The following ANTXRL variants were observed in gnomAD, a reference collection of about 807,000 sequenced individuals.
The protein encoded by ANTXRL is anthrax toxin receptor-like.
Under a neutral mutation model 75.4 loss-of-function variants are expected in ANTXRL, and 63 were observed. The ratio of observed to expected loss-of-function variants is 0.84; its 90% CI spans 0.68 to 1.03. The LOEUF is 1.03. Ranked by LOEUF, ANTXRL falls within the 50% of genes least tolerant of loss-of-function variation. The pLI, the probability that ANTXRL is intolerant of heterozygous loss-of-function variation, is 0.00. For synonymous variants in ANTXRL, 335 were observed against 291.3 expected (o/e 1.15, Z -1.53); for missense variants, 797 against 789.4 (o/e 1.01, Z -0.12).
intron 7 of ANTXRL, 21 bp from the exon 8 acceptor site, chr10:46,297,810 A>C (rs1291670591): frequency 5.9e-6 from 9 of 1,535,244 alleles, no homozygotes; most frequent in Non-Finnish European, 7.9e-6. Flanking sequence ...GGGGAGTCCA[A>C]CCCAGCTCTG....
At chr10:46,319,176 T>G (rs781860985) in intron 16 of ANTXRL, among the ~76,000 whole-genome samples, 1 of 152,158 alleles carries the variant, frequency 6.6e-6, no homozygotes, top group Non-Finnish European at 1.5e-5. Context: ...AGACCAAAAT[T>G]TAGTTTTATT....
intron 16 of ANTXRL, among the ~76,000 whole-genome samples, chr10:46,315,767 G>A (rs1554964561): frequency 1.3e-5 from 2 of 152,134 alleles, no homozygotes; most frequent in African/African-American, 4.8e-5. Flanking sequence ...TATTGTTTCA[G>A]CAAATCCAAA....
At chr10:46,309,563 G>A (rs1838299569) in intron 13 of ANTXRL, among the ~76,000 whole-genome samples, 1 of 152,230 alleles carries the variant, frequency 6.6e-6, no homozygotes, top group South Asian at 2.1e-4. Flanking sequence ...CCAGGAGGTG[G>A]CCTCTGTGTG....
At position 46,311,538 on chromosome 10, in the gene ANTXRL, C is replaced by T. The variant is rs1838421532; in HGVS notation, c.1202C>T (p.Pro401Leu). The T allele has an allele frequency of 3.9e-6, 6 of 1,534,550 alleles. No individual in the cohort carries two copies. Among genetic ancestry groups the T allele is most frequent in the Non-Finnish European group, 5.2e-6 (6 of 1,146,082 alleles). ...KEPEQEKPPS[P>L]PPPPPPPPPP... ...CCAGAGCAGGAAAAACCACCATCAC[C>T]ACCACCACCGCCTCCGCCTCCACCA... is the stretch of plus-strand genomic sequence containing the variant. Residue 401 changes from proline (P) to leucine (L), a missense_variant, in exon 15 of 17, where the codon CCA becomes CTA. By Grantham distance (98) the Pro-to-Leu change is moderately conservative. Around this residue, in one of 3 missense-constraint regions of ANTXRL, gnomAD observed 479 missense variants for 422.0 expected, o/e 1.14. Coordinates refer to ENST00000620264, the MANE Select transcript of ANTXRL (RefSeq NM_001278688.3).
chr10:46,301,304 C>T lies in ANTXRL; in HGVS notation c.797-1418C>T, dbSNP rs569873071. Among the ~76,000 whole-genome samples, 9 of 152,344 alleles carry T rather than the reference C, an allele frequency of 5.9e-5. No individual in the cohort carries two copies. In the South Asian group the frequency reaches 1.9e-3, roughly 32 times the overall value. On this transcript the variant is annotated intron_variant, in intron 9 of 16. Coordinates refer to ENST00000620264, the MANE Select transcript of ANTXRL (RefSeq NM_001278688.3). Reference sequence around the variant, plus strand: ...TGTCAGCCTTAGCTGTGGGAGAGGACCCCAGGCTTGCCCTGAGGGGCCCAT... The same window carrying T: ...TGTCAGCCTTAGCTGTGGGAGAGGATCCCAGGCTTGCCCTGAGGGGCCCAT...
At chr10:46,308,797 C>A in intron 12 of ANTXRL, 1 of 412,662 alleles carries the variant, frequency 2.4e-6, no homozygotes, top group South Asian at 2.4e-5. Context: ...TCCACCCTCA[C>A]CTGTCTTTGT....
rs556681760 is a variant in ANTXRL at position 46,293,242 on chromosome 10, A to G, written c.321-587A>G. 385 of 134,362 alleles carry G rather than the reference A, an allele frequency of 2.9e-3. 2 individuals carry two copies. Among genetic ancestry groups the G allele is most frequent in the African/African-American group, 0.011 (356 of 31,494 alleles). The allele number at this position is 134,362 out of a possible 1,614,324, so 8.3% of individuals were successfully genotyped here. A position where few individuals can be genotyped will look rare whatever the true frequency, so the allele number is the denominator to read the frequency against. ...TGTGTGTGTGTGTGAGTGTGTATGC[A>G]TGTGTGTGGGGGGGTGTGTATACCT... On this transcript the variant is annotated intron_variant, in intron 2 of 16. Coordinates refer to ENST00000620264, the MANE Select transcript of ANTXRL (RefSeq NM_001278688.3).
chr10:46,293,111 C>T lies in ANTXRL; in HGVS notation c.321-718C>T, dbSNP rs1465227191. 1.3e-4 allele frequency: 20 copies of T among 152,028 alleles called. 1 individual carries two copies. Among genetic ancestry groups the T allele is most frequent in the Non-Finnish European group, 2.3e-4 (16 of 68,512 alleles). 9.4% of individuals were successfully genotyped at this position (152,028 alleles called of 1,614,324 possible). ...CCTGTTCATTATAAGGTATGTGTGT[C>T]TGTGTGTGTGTGTGTGCAGGTGCCT... On this transcript the variant is annotated intron_variant, in intron 2 of 16. Transcript: ENST00000620264.
At chr10:46,301,575 C>T (rs541396897) in intron 9 of ANTXRL, among the ~76,000 whole-genome samples, 5 of 152,298 alleles carry the variant, frequency 3.3e-5, no homozygotes, top group Admixed American at 2.0e-4. Flanking sequence ...GAGCATGGTT[C>T]CCTAGGTCCC....
At chr10:46,310,582 C>T (rs1838362055) in intron 14 of ANTXRL, 83 bp downstream of exon 14, 2 of 1,362,544 alleles carry the variant, frequency 1.5e-6, no homozygotes, top group South Asian at 1.2e-5. Flanking sequence ...AGCCTGCGCC[C>T]CATGATCTCC....
chr10:46,292,044 T>G lies in ANTXRL; in HGVS notation c.249-14T>G. The G allele has an allele frequency of 1.3e-6, 2 of 1,535,904 alleles. No individual in the cohort carries two copies. The highest frequency in any genetic ancestry group is 1.7e-6 in the Non-Finnish European group (2 of 1,146,562). On this transcript the variant is annotated splice_polypyrimidine_tract_variant and intron_variant, in intron 1 of 16. Transcript: ENST00000620264. Reference sequence around the variant, plus strand: ...TGCACTCATCTCCCTGACCCACATCTCCTTTTGTTTTAGGTCTGGCAGCGT... The same window carrying G: ...TGCACTCATCTCCCTGACCCACATCGCCTTTTGTTTTAGGTCTGGCAGCGT...
chr10:46,300,995 T>C lies in ANTXRL; in HGVS notation c.797-1727T>C, dbSNP rs558391436. ...GTTCCTTTATCTCTCCCACCCCCCC[T>C]CTCTCTTCATCCATCCACCTTGAAA... On this transcript the variant is annotated intron_variant, in intron 9 of 16. Transcript: ENST00000620264. Among the ~76,000 whole-genome samples the C allele has an allele frequency of 7.2e-3, 1,036 of 143,744 alleles. 9 individuals carry two copies. Among genetic ancestry groups the C allele is most frequent in the South Asian group, 0.025 (113 of 4,490 alleles). 94.3% of individuals were successfully genotyped at this position (143,744 alleles called of 152,430 possible). A position where few individuals can be genotyped will look rare whatever the true frequency, so the allele number is the denominator to read the frequency against.
Position 46,302,830 on chromosome 10 carries a change from C to T in ANTXRL, c.895+10C>T, listed in dbSNP as rs1554960901. ...GAAAGCACTATCATTGGTAAGTTGTCTCCTCTGTGCCTCTGAGTCACGTAT... is the reference window on the plus strand; with the variant it reads ...GAAAGCACTATCATTGGTAAGTTGTTTCCTCTGTGCCTCTGAGTCACGTAT... On this transcript the variant is annotated intron_variant, in intron 10 of 16. Coordinates refer to ENST00000620264, the MANE Select transcript of ANTXRL (RefSeq NM_001278688.3). The T allele has an allele frequency of 1.3e-6, 2 of 1,514,698 alleles. No individual in the cohort carries two copies. Among genetic ancestry groups the T allele is most frequent in the South Asian group, 1.2e-5 (1 of 83,610 alleles). 93.8% of individuals were successfully genotyped at this position (1,514,698 alleles called of 1,614,324 possible).
chr10:46,300,460 GC>G lies in ANTXRL; in HGVS notation c.797-2259del, dbSNP rs1376546321. Among the ~76,000 whole-genome samples, 7 of 152,210 alleles carry G rather than the reference GC, an allele frequency of 4.6e-5. No homozygotes were observed. In the East Asian group the frequency reaches 1.4e-3, roughly 29 times the overall value. On this transcript the variant is annotated intron_variant, in intron 9 of 16. Coordinates refer to ENST00000620264, the MANE Select transcript of ANTXRL (RefSeq NM_001278688.3). ...GCCTCTGGTGGCCTCACCGCTCAAGGCCCATCCTGAGCCCATCCCCCACACA... is the reference window on the plus strand; with the variant it reads ...GCCTCTGGTGGCCTCACCGCTCAAGGCCATCCTGAGCCCATCCCCCACACA...
chr10:46,300,747 C>T (rs1554960310), intron 9 of ANTXRL, among the ~76,000 whole-genome samples: 1 of 152,194 alleles, frequency 6.6e-6, no homozygotes, highest in African/African-American at 2.4e-5. Context: ...CCCTGCAGCC[C>T]AAGGGCTTGG....
chr10:46,324,332 G>C (rs1554966080), intron 16 of ANTXRL, among the ~76,000 whole-genome samples: 1 of 152,184 alleles, frequency 6.6e-6, no homozygotes, highest in African/African-American at 2.4e-5. Context: ...GAATGCTAAA[G>C]AAGGCTGAGC....
intron 12 of ANTXRL, chr10:46,308,692 T>G: frequency 2.9e-6 from 1 of 341,154 alleles, no homozygotes; most frequent in Non-Finnish European, 5.7e-6. Flanking sequence ...CTCAGAGCAG[T>G]GCGTGGATGT....
At chr10:46,323,536 C>G (rs185218211) in intron 16 of ANTXRL, among the ~76,000 whole-genome samples, 14 of 152,292 alleles carry the variant, frequency 9.2e-5, no homozygotes, top group Admixed American at 9.2e-4. Context: ...AGACTTTTCA[C>G]AGCATGTTGG....
chr10:46,323,936 C>T (rs1839095149), intron 16 of ANTXRL, among the ~76,000 whole-genome samples: 1 of 152,096 alleles, frequency 6.6e-6, no homozygotes, highest in Non-Finnish European at 1.5e-5. Context: ...CCTGTGAGTC[C>T]AAGAAAACCT....
Sources: allele counts gnomAD v4.1 joint callset (sites outside exome capture counted in the v4.1 genomes callset), GRCh38; gene constraint gnomAD v4.1.1; regional missense constraint gnomAD v4.1.1; transcripts MANE v1.5; gene names NCBI Gene and HGNC (gene_info 2026-07-23, HGNC 2026-07-21).